The following AGBL1 variants were observed in gnomAD, a reference collection of about 807,000 sequenced individuals.
The protein encoded by AGBL1 is cytosolic carboxypeptidase 4.
AGBL1 carries 130 observed loss-of-function variants against 118.9 expected under a neutral mutation model. The observed-to-expected ratio is 1.09, with a 90% CI of 0.95 to 1.26. The LOEUF (loss-of-function observed/expected upper bound fraction) is 1.26, where lower values mean the gene tolerates loss of function less well. Ranked by LOEUF, AGBL1 falls within the 50% of genes most tolerant of loss-of-function variation. The probability of loss-of-function intolerance (pLI) is 0.00; values close to 1 mark genes in which losing one functional copy is unlikely to be tolerated. For missense variants in AGBL1, 1,584 were observed against 1,298.1 expected, an observed-to-expected ratio of 1.22 and a Z score of -3.38; for synonymous variants, 555 against 478.9, an observed-to-expected ratio of 1.16 and a Z score of -2.08.
intron 17 of AGBL1, among the ~76,000 whole-genome samples, chr15:86,315,217 G>C (rs2079983671): frequency 6.6e-6 from 1 of 152,200 alleles, no homozygotes; most frequent in Non-Finnish European, 1.5e-5. Context: ...GGATAGGCAA[G>C]CTACTGAAAT....
intron 16 of AGBL1, among the ~76,000 whole-genome samples, chr15:86,291,500 G>A (rs2141760334): frequency 6.6e-6 from 1 of 152,262 alleles, no homozygotes; most frequent in Middle Eastern, 3.4e-3. Flanking sequence ...CAAACACACA[G>A]GTTAGGCTTT....
intron 18 of AGBL1, among the ~76,000 whole-genome samples, chr15:86,516,446 C>T (rs188499973): frequency 6.2e-4 from 94 of 152,224 alleles, no homozygotes; most frequent in Non-Finnish European, 1.1e-3. Flanking sequence ...GACTGTTTCA[C>T]AGGGAGTAAT....
intron 23 of AGBL1, among the ~76,000 whole-genome samples, chr15:86,961,590 A>C (rs1596678811): frequency 1.3e-5 from 2 of 152,106 alleles, no homozygotes; most frequent in African/African-American, 4.8e-5. Flanking sequence ...CATGCAATCT[A>C]TACAGTATTT....
chr15:86,899,171 A>T (rs1437207077), intron 22 of AGBL1, among the ~76,000 whole-genome samples: 1 of 152,212 alleles, frequency 6.6e-6, no homozygotes, highest in Non-Finnish European at 1.5e-5. Context: ...GGGTAAAGAA[A>T]ATGTACATAT....
rs28725353 is a variant in AGBL1, at chr15:86,750,302, A to G, written c.3158+75866A>G. ...AAAAATTAACACATAGTAATTTTACATATTTATGGGGTACAGATTGGTATT... is the reference window on the plus strand; with the variant it reads ...AAAAATTAACACATAGTAATTTTACGTATTTATGGGGTACAGATTGGTATT... On this transcript the variant is annotated intron_variant, in intron 22 of 22. Transcript: ENST00000614907. Among the ~76,000 whole-genome samples, 689 of 152,188 alleles carry G rather than the reference A, an allele frequency of 4.5e-3. 5 individuals are homozygous for G. Among genetic ancestry groups the G allele is most frequent in the African/African-American group, 0.016 (657 of 41,554 alleles).
rs141363472 is a variant in AGBL1, at chr15:86,258,484, G to A, written c.969+453G>A. ...TCTGTGAATTGTTTTCCCTTAAGTT[G>A]CACAGTGCACAACCTGGCCAGCAGA... On this transcript the variant is annotated intron_variant, in intron 9 of 22. Transcript: ENST00000614907. 9.9e-5 allele frequency among the ~76,000 whole-genome samples: 15 copies of A among 152,240 alleles called. No individual in the cohort carries two copies. The East Asian group carries it at 2.5e-3, about 26-fold the overall frequency.
At chr15:86,512,653 C>T (rs922043725) in intron 18 of AGBL1, among the ~76,000 whole-genome samples, 2 of 151,770 alleles carry the variant, frequency 1.3e-5, no homozygotes, top group African/African-American at 4.8e-5. Context: ...TTTTCAGAAA[C>T]TACTATTATT....
At chr15:86,171,924 G>A (rs1055725332) in intron 5 of AGBL1, among the ~76,000 whole-genome samples, 1 of 152,196 alleles carries the variant, frequency 6.6e-6, no homozygotes, top group African/African-American at 2.4e-5. Flanking sequence ...ATTATTCTAA[G>A]TGAAGTAACT....
intron 18 of AGBL1, among the ~76,000 whole-genome samples, chr15:86,502,897 TG>T (rs897991565): frequency 3.3e-5 from 5 of 151,478 alleles, no homozygotes; most frequent in African/African-American, 4.8e-5. Context: ...ATGATATCTT[TG>T]GTTTTGCTAC....
intron 18 of AGBL1, among the ~76,000 whole-genome samples, chr15:86,515,852 C>T (rs746120553): frequency 2.6e-5 from 4 of 152,156 alleles, no homozygotes; most frequent in African/African-American, 7.2e-5. Flanking sequence ...AGGACGTGCC[C>T]GTGACACAGC....
intron 5 of AGBL1, among the ~76,000 whole-genome samples, chr15:86,220,666 G>C (rs1298812481): frequency 1.3e-5 from 2 of 152,196 alleles, no homozygotes; most frequent in Non-Finnish European, 2.9e-5. Context: ...TATGAAAATA[G>C]ATAGGATGTG....
At chr15:86,787,217 A>G (rs1474029015) in intron 22 of AGBL1, among the ~76,000 whole-genome samples, 1 of 152,092 alleles carries the variant, frequency 6.6e-6, no homozygotes, top group Non-Finnish European at 1.5e-5. Flanking sequence ...CATATCCATA[A>G]CCTTCCATAG....
At chr15:86,990,201 G>T (rs1470690366) in intron 24 of AGBL1, among the ~76,000 whole-genome samples, 1 of 152,054 alleles carries the variant, frequency 6.6e-6, no homozygotes, top group African/African-American at 2.4e-5. Context: ...GATGAGAGAG[G>T]ATAGGGGCTT....
At chr15:86,729,070 A>T (rs1189004330) in intron 22 of AGBL1, among the ~76,000 whole-genome samples, 1 of 152,208 alleles carries the variant, frequency 6.6e-6, no homozygotes, top group South Asian at 2.1e-4. Flanking sequence ...ACATTTATCT[A>T]AGCTCCCTCC....
chr15:86,829,803 G>T (rs373750937), intron 22 of AGBL1, among the ~76,000 whole-genome samples: 4 of 151,982 alleles, frequency 2.6e-5, no homozygotes, highest in African/African-American at 9.7e-5. Flanking sequence ...ATTAAATTTT[G>T]TTACTATTTA....
At chr15:86,170,671 C>T (rs1327236153) in intron 5 of AGBL1, among the ~76,000 whole-genome samples, 1 of 151,766 alleles carries the variant, frequency 6.6e-6, no homozygotes, top group African/African-American at 2.4e-5. Context: ...ATGGTGAAAC[C>T]CCCCTCTCTA....
At chr15:86,142,139 C>A (rs780364307) in intron 2 of AGBL1, 72 bp downstream of exon 2, 2 of 1,426,588 alleles carry the variant, frequency 1.4e-6, no homozygotes, top group Non-Finnish European at 1.9e-6. Flanking sequence ...CTCCCAGGCA[C>A]CTCTGTGACC....
intron 22 of AGBL1, among the ~76,000 whole-genome samples, chr15:86,789,456 A>G (rs1022968203): frequency 6.6e-6 from 1 of 152,198 alleles, no homozygotes; most frequent in African/African-American, 2.4e-5. Flanking sequence ...TGGAAATTTC[A>G]TGTGAGTTTA....
At chr15:86,266,839 T>C in intron 12 of AGBL1, 151 bp from the exon 13 acceptor site, 1 of 682,416 alleles carries the variant, frequency 1.5e-6, no homozygotes, top group Non-Finnish European at 2.5e-6. Flanking sequence ...AGGCGGAGGT[T>C]GCAGTGAGCT....
Sources: gnomAD v4.1 joint callset for allele counts (sites outside exome capture counted in the v4.1 genomes callset) on GRCh38, gnomAD v4.1.1 for gene constraint, MANE v1.5 for transcripts, NCBI Gene and HGNC (gene_info 2026-07-23, HGNC 2026-07-21) for gene names.